NRXN1: variants seen among roughly 807,000 people sequenced by gnomAD.
NRXN1 encodes neurexin 1.
Under a neutral mutation model 150.9 loss-of-function variants are expected in NRXN1, and 39 were observed. The ratio of observed to expected loss-of-function variants is 0.26; its 90% CI spans 0.20 to 0.34. NRXN1 has a LOEUF of 0.34. NRXN1 is among the 10% of genes least tolerant of loss of function. The pLI is 1.00. For missense variants in NRXN1, 1,815 were observed against 1,949.9 expected (o/e 0.93, Z 1.30); for synonymous variants, 924 against 757.0 (o/e 1.22, Z -3.62).
At chr2:50,077,146 T>C (rs1196670992) in intron 19 of NRXN1, among the ~76,000 whole-genome samples, 1 of 152,168 alleles carries the variant, frequency 6.6e-6, no homozygotes, top group Non-Finnish European at 1.5e-5. Flanking sequence ...GTAAATAAGG[T>C]ATGTAAAATA....
At chr2:50,201,647 A>G (rs539794593) in intron 18 of NRXN1, among the ~76,000 whole-genome samples, 15 of 152,338 alleles carry the variant, frequency 9.8e-5, no homozygotes, top group African/African-American at 3.6e-4. Context: ...CTGTTGCTGA[A>G]TAATAAATTA....
chr2:50,947,436 T>C (rs913920704), intron 2 of NRXN1, among the ~76,000 whole-genome samples: 1 of 141,310 alleles, frequency 7.1e-6, no homozygotes, highest in Non-Finnish European at 1.5e-5. Flanking sequence ...ATTCAAAAGA[T>C]CTGAAACAGT....
At chr2:50,797,657 G>T (rs894363384) in intron 5 of NRXN1, among the ~76,000 whole-genome samples, 7 of 152,066 alleles carry the variant, frequency 4.6e-5, no homozygotes, top group African/African-American at 1.4e-4. Context: ...CATAACCAGG[G>T]TTTAGAAATT....
chr2:51,025,758 T>C (rs192620526), intron 2 of NRXN1, among the ~76,000 whole-genome samples: 3 of 152,326 alleles, frequency 2.0e-5, no homozygotes, highest in South Asian at 4.1e-4. Flanking sequence ...GTAGATTTGC[T>C]AGAAGAAAAA....
At chr2:50,625,398 A>G (rs1680835553) in intron 5 of NRXN1, among the ~76,000 whole-genome samples, 1 of 152,138 alleles carries the variant, frequency 6.6e-6, no homozygotes. Flanking sequence ...TATCAGTCAG[A>G]CCAAATAATT....
intron 18 of NRXN1, among the ~76,000 whole-genome samples, chr2:50,124,343 A>G (rs1704273652): frequency 6.6e-6 from 1 of 152,102 alleles, no homozygotes; most frequent in Admixed American, 6.6e-5. Context: ...GGGAATTGAG[A>G]CTGAGTCAAA....
intron 21 of NRXN1, among the ~76,000 whole-genome samples, chr2:49,986,377 TTAACA>T (rs1680915008): frequency 6.6e-6 from 1 of 152,144 alleles, no homozygotes; most frequent in Admixed American, 6.5e-5. Context: ...AATAAACCCA[TTAACA>T]TAAATTTAAA....
At chr2:51,015,910 G>A (rs1326990574) in intron 2 of NRXN1, among the ~76,000 whole-genome samples, 5 of 151,838 alleles carry the variant, frequency 3.3e-5, no homozygotes. Context: ...AGCCCGTACA[G>A]CCAAGAAAAT....
At chr2:50,901,780 T>C (rs992413133) in intron 5 of NRXN1, among the ~76,000 whole-genome samples, 1 of 152,148 alleles carries the variant, frequency 6.6e-6, no homozygotes, top group African/African-American at 2.4e-5. Context: ...AAACTGCCAA[T>C]AGTCCACAAG....
chr2:50,809,601 ATG>A (rs1263082434), intron 5 of NRXN1, among the ~76,000 whole-genome samples: 1 of 152,084 alleles, frequency 6.6e-6, no homozygotes, highest in African/African-American at 2.4e-5. Context: ...ATTTTTCTCT[ATG>A]CCGTCACGCT....
intron 8 of NRXN1, among the ~76,000 whole-genome samples, chr2:50,587,511 T>G (rs972533441): frequency 2.6e-5 from 4 of 152,090 alleles, no homozygotes; most frequent in Non-Finnish European, 4.4e-5. Flanking sequence ...TTTTCCCTAT[T>G]GCAGAAAGTT....
intron 2 of NRXN1, among the ~76,000 whole-genome samples, chr2:50,938,578 A>G (rs1250661408): frequency 2.6e-5 from 4 of 152,240 alleles, no homozygotes; most frequent in Non-Finnish European, 4.4e-5. Context: ...TCCTGATATC[A>G]ATTTTCTGTA....
chr2:50,517,360 G>A (rs1187304400), intron 12 of NRXN1, among the ~76,000 whole-genome samples: 13 of 151,742 alleles, frequency 8.6e-5, no homozygotes, highest in Non-Finnish European at 5.9e-5. Flanking sequence ...TGAACATAAC[G>A]GCAATTCACT....
intron 22 of NRXN1, among the ~76,000 whole-genome samples, chr2:49,935,368 T>TTTTC (rs1330419741): frequency 1.3e-5 from 2 of 152,190 alleles, no homozygotes; most frequent in Non-Finnish European, 2.9e-5. Context: ...ACGTCAGTAT[T>TTTTC]TTTCTTTCTC....
At chr2:50,262,762 C>T (rs1245644861) in intron 17 of NRXN1, among the ~76,000 whole-genome samples, 2 of 151,984 alleles carry the variant, frequency 1.3e-5, no homozygotes, top group African/African-American at 2.4e-5. Flanking sequence ...CATTTTCCTC[C>T]ATGCTTCTGG....
chr2:50,440,784 T>A (rs1347681677), intron 17 of NRXN1, among the ~76,000 whole-genome samples: 1 of 152,196 alleles, frequency 6.6e-6, no homozygotes, highest in East Asian at 1.9e-4. Flanking sequence ...TATGAAAAGG[T>A]GCACATAACT....
intron 5 of NRXN1, among the ~76,000 whole-genome samples, chr2:50,788,053 T>C (rs989172548): frequency 6.6e-6 from 1 of 151,938 alleles, no homozygotes. Context: ...GGCTTTACAA[T>C]TCCAGTTTTC....
chr2:50,181,629 C>T (rs1028584294), intron 18 of NRXN1, among the ~76,000 whole-genome samples: 1 of 151,826 alleles, frequency 6.6e-6, no homozygotes, highest in Admixed American at 6.6e-5. Context: ...AGGACTAGGA[C>T]TTTTTTTTAA....
chr2:50,184,661 C>G lies in NRXN1; in HGVS notation c.3546+52128G>C, dbSNP rs1047914034. On this transcript the variant is annotated intron_variant, in intron 18 of 22. Coordinates refer to ENST00000401669, the MANE Select transcript of NRXN1 (RefSeq NM_001330078.2). ...ATTTCAAAATTCATGACCTTGGAAA[C>G]TCTCATTTCATTTGAGCCTCCAGAG... Among the ~76,000 whole-genome samples the G allele has an allele frequency of 2.6e-4, 40 of 151,888 alleles. 1 individual carries two copies. Among genetic ancestry groups the G allele is most frequent in the African/African-American group, 9.4e-4 (39 of 41,314 alleles).
Sources: allele counts gnomAD v4.1 joint callset (sites outside exome capture counted in the v4.1 genomes callset), GRCh38; gene constraint gnomAD v4.1.1; transcripts MANE v1.5; gene names NCBI Gene and HGNC (gene_info 2026-07-23, HGNC 2026-07-21).